The following ZNF609 variants were observed in gnomAD, a reference collection of about 807,000 sequenced individuals.
ZNF609 encodes zinc finger protein 609.
Under a neutral mutation model 109.5 loss-of-function variants are expected in ZNF609, and 11 were observed. The ratio of observed to expected loss-of-function variants is 0.10; its 90% CI spans 0.06 to 0.17. ZNF609 has a LOEUF of 0.17. ZNF609 is among the 10% of genes least tolerant of loss of function. ZNF609 has a pLI of 1.00. For synonymous variants in ZNF609, 646 were observed against 662.0 expected (o/e 0.98, Z 0.37); for missense variants, 1,559 against 1,772.4 (o/e 0.88, Z 2.16).
chr15:64,617,203 T>C (rs1424829436), intron 2 of ZNF609, among the ~76,000 whole-genome samples: 2 of 151,716 alleles, frequency 1.3e-5, no homozygotes, highest in Non-Finnish European at 2.9e-5. Context: ...TTTGTTTTTT[T>C]TGGAGACAAA....
chr15:64,594,626 C>G (rs1435659806), intron 2 of ZNF609, among the ~76,000 whole-genome samples: 2 of 152,072 alleles, frequency 1.3e-5, no homozygotes, highest in Non-Finnish European at 2.9e-5. Context: ...GCATGAGCCA[C>G]TGCACCTGGT....
At chr15:64,517,748 T>C (rs937192757) in intron 2 of ZNF609, among the ~76,000 whole-genome samples, 1 of 151,496 alleles carries the variant, frequency 6.6e-6, no homozygotes, top group African/African-American at 2.4e-5. Flanking sequence ...CTGTGGAGTG[T>C]GTGTATATAT....
At chr15:64,595,615 A>T (rs73451086) in intron 2 of ZNF609, among the ~76,000 whole-genome samples, 1 of 152,136 alleles carries the variant, frequency 6.6e-6, no homozygotes, top group East Asian at 1.9e-4. Flanking sequence ...ACAAGCCCTA[A>T]TACAATATCC....
At chr15:64,600,449 CAA>C (rs60948226) in intron 2 of ZNF609, among the ~76,000 whole-genome samples, 5 of 53,804 alleles carry the variant, frequency 9.3e-5, no homozygotes, top group Non-Finnish European at 7.4e-5. Context: ...GGCTGTGTCT[CAA>C]AAAAAAAAAA....
intron 3 of ZNF609, among the ~76,000 whole-genome samples, chr15:64,656,923 G>A (rs1896497090): frequency 6.6e-6 from 1 of 152,182 alleles, no homozygotes; most frequent in African/African-American, 2.4e-5. Context: ...TCTCTATTCT[G>A]TTTTGAATCT....
chr15:64,625,209 T>C (rs1413545188), intron 3 of ZNF609, among the ~76,000 whole-genome samples: 1 of 152,250 alleles, frequency 6.6e-6, no homozygotes, highest in Admixed American at 6.5e-5. Flanking sequence ...TTGCTCATCA[T>C]TGTATCCAAG....
At chr15:64,475,513 C>A (rs1302320270) in intron 1 of ZNF609, among the ~76,000 whole-genome samples, 1 of 151,158 alleles carries the variant, frequency 6.6e-6, no homozygotes, top group African/African-American at 2.4e-5. Flanking sequence ...CTCAGCCTCC[C>A]GAGTAACTGG....
At chr15:64,479,997 G>A (rs538694212) in intron 1 of ZNF609, among the ~76,000 whole-genome samples, 129 of 34,364 alleles carry the variant, frequency 3.8e-3, no homozygotes, top group African/African-American at 5.7e-3. Flanking sequence ...CACTTTGGGA[G>A]GCTTGAGGTG....
chr15:64,463,616 A>G (rs1000909957), intron 1 of ZNF609, among the ~76,000 whole-genome samples: 1 of 152,208 alleles, frequency 6.6e-6, no homozygotes. Flanking sequence ...TGAGGCAATT[A>G]GTCTGTCTAT....
In ZNF609 at chr15:64,492,930, C is replaced by A. The variant is rs1310447826; in HGVS notation, c.-127-6363C>A. On this transcript the variant is annotated intron_variant, in intron 1 of 9. Transcript: ENST00000326648. ...GCAGGTTTTGGAGGGGAATACCTAG[C>A]TAGACAGCCCTAATATCCATATTTT... Among the ~76,000 whole-genome samples, 3 of 152,166 alleles carry A rather than the reference C, an allele frequency of 2.0e-5. No homozygotes were observed. The East Asian group carries it at 5.8e-4, about 29-fold the overall frequency.
chr15:64,670,015 A>G (rs1339235196), intron 3 of ZNF609, among the ~76,000 whole-genome samples: 1 of 152,118 alleles, frequency 6.6e-6, no homozygotes, highest in East Asian at 1.9e-4. Flanking sequence ...TGCTCTTGTG[A>G]TCCCAGCTAC....
chr15:64,490,263 C>G lies in ZNF609; in HGVS notation c.-127-9030C>G, dbSNP rs1011580218. ...CAAAGGCATAAGCCACTGCACCCGG[C>G]CAGTAGTTGTTTTTTTTTTTTTTTT... On this transcript the variant is annotated intron_variant, in intron 1 of 9. Coordinates refer to ENST00000326648, the MANE Select transcript of ZNF609 (RefSeq NM_015042.2). 3.7e-5 allele frequency among the ~76,000 whole-genome samples: 5 copies of G among 134,312 alleles called. No homozygotes were observed. In the South Asian group the frequency reaches 1.1e-3, roughly 31 times the overall value. 88.1% of individuals were successfully genotyped at this position (134,312 alleles called of 152,430 possible).
Position 64,591,168 on chromosome 15 carries a change from G to A in ZNF609, c.748-31659G>A, listed in dbSNP as rs763410127. Reference sequence around the variant, plus strand: ...TCCGAGGCCAAGTGCAGTGGCTCACGCCTGCAATCCCAGCATTTTGGGAGA... The same window carrying A: ...TCCGAGGCCAAGTGCAGTGGCTCACACCTGCAATCCCAGCATTTTGGGAGA... On this transcript the variant is annotated intron_variant, in intron 2 of 9. Coordinates refer to ENST00000326648, the MANE Select transcript of ZNF609 (RefSeq NM_015042.2). 3.0e-4 allele frequency among the ~76,000 whole-genome samples: 46 copies of A among 152,018 alleles called. 1 individual carries two copies. The highest frequency in any genetic ancestry group is 2.9e-5 in the Non-Finnish European group (2 of 68,006).
intron 2 of ZNF609, among the ~76,000 whole-genome samples, chr15:64,572,561 C>T (rs1015962558): frequency 6.6e-6 from 1 of 152,126 alleles, no homozygotes; most frequent in African/African-American, 2.4e-5. Flanking sequence ...ATTGTTATTG[C>T]CAGGTCCTCC....
chr15:64,623,449 A>C (rs115742713), intron 3 of ZNF609, among the ~76,000 whole-genome samples: 1,845 of 152,314 alleles, frequency 0.012, 39 homozygotes, highest in African/African-American at 0.043. Flanking sequence ...TCACTCTTAA[A>C]TTCACTTAAT....
At chr15:64,659,835 C>CTTT (rs755818323) in intron 3 of ZNF609, among the ~76,000 whole-genome samples, 2 of 137,232 alleles carry the variant, frequency 1.5e-5, no homozygotes, top group Non-Finnish European at 3.2e-5. Flanking sequence ...TTCTTTCTTT[C>CTTT]TTTTTTTTTT....
rs1896779294 is a variant in ZNF609 at position 64,674,447 on chromosome 15, G to A, written c.1593G>A (p.Gly531=). 6.2e-7 allele frequency: 1 copy of A among 1,614,182 alleles called. No homozygotes were observed. Among genetic ancestry groups the A allele is most frequent in the Non-Finnish European group, 8.5e-7 (1 of 1,180,040 alleles). ...ATGACAGCAAGCCGGAAGCGGATGG[G>A]GACAGTGAGTACGGAGAGGAACCTA... ...TDDDSKPEAD[G]DSEYGEEPIL... Residue 531 remains glycine (G), a synonymous_variant, in exon 5 of 10, where the codon GGG becomes GGA. Coordinates refer to ENST00000326648, the MANE Select transcript of ZNF609 (RefSeq NM_015042.2).
intron 2 of ZNF609, among the ~76,000 whole-genome samples, chr15:64,535,052 A>C (rs372250132): frequency 1.8e-4 from 28 of 151,806 alleles, no homozygotes; most frequent in Admixed American, 1.1e-3. Context: ...AAAAAAAAAA[A>C]CTGTTATTTA....
chr15:64,497,293 C>T (rs1893495055), intron 1 of ZNF609, among the ~76,000 whole-genome samples: 1 of 152,198 alleles, frequency 6.6e-6, no homozygotes, highest in East Asian at 1.9e-4. Context: ...AAGATCTCCA[C>T]TTGGGTAATG....
Sources: gnomAD v4.1 joint callset for allele counts (sites outside exome capture counted in the v4.1 genomes callset) on GRCh38, gnomAD v4.1.1 for gene constraint, MANE v1.5 for transcripts, NCBI Gene and HGNC (gene_info 2026-07-23, HGNC 2026-07-21) for gene names.